KDM2B: variants seen among roughly 807,000 people sequenced by gnomAD.
KDM2B encodes the protein lysine-specific demethylase 2B.
In KDM2B, 26 loss-of-function variants were observed where a neutral mutation model predicts 150.0. The observed-to-expected ratio is 0.17, with a 90% CI of 0.13 to 0.24. KDM2B has a LOEUF of 0.24. Among genes scored for constraint, KDM2B ranks in the 10% least tolerant of loss-of-function variants. KDM2B has a pLI of 1.00. For missense variants in KDM2B, 1,265 were observed against 1,816.9 expected (o/e 0.70, Z 5.52); for synonymous variants, 734 against 729.5 (o/e 1.01, Z -0.10).
chr12:121,412,370 G>T, the KDM2B span, among the ~76,000 whole-genome samples: 1 of 150,742 alleles, frequency 6.6e-6, no homozygotes, highest in Non-Finnish European at 1.5e-5. Context: ...CTCCCGAGTA[G>T]CTGGGACTAC....
chr12:121,441,175 G>A lies in KDM2B; in HGVS notation c.3343C>T (p.Pro1115Ser). 6.2e-7 allele frequency: 1 copy of A among 1,614,210 alleles called. No individual in the cohort carries two copies. Among genetic ancestry groups the A allele is most frequent in the Non-Finnish European group, 8.5e-7 (1 of 1,180,026 alleles). ...IDLNHCKSIT[P>S]LMLSGIIRRQ... ...CGGATGATGCCACTCAGCATCAGGG[G>A]TGTGATAGACTTGCAGTGGTTCAGG... The change falls in exon 20 of 23, where the codon CCC (proline) becomes TCC (serine). Residue 1115 changes from proline to serine, a missense_variant. This residue lies in a region of KDM2B where 251 missense variants were observed against 397.8 expected (regional missense o/e 0.63). Transcript: ENST00000377071.
intron 11 of KDM2B, among the ~76,000 whole-genome samples, chr12:121,506,094 A>G (rs55819206): frequency 0.013 from 2,002 of 152,112 alleles, 22 homozygotes; most frequent in South Asian, 0.027. Context: ...ACTGTAGCCT[A>G]GAACTCCTGG....
intron 2 of KDM2B, among the ~76,000 whole-genome samples, 200 bp from the exon 3 acceptor site, chr12:121,576,059 G>A (rs1486688464): frequency 5.3e-5 from 8 of 152,122 alleles, no homozygotes; most frequent in Admixed American, 5.2e-4. Context: ...CCATGCCAAC[G>A]ATCAGCTCCT....
At chr12:121,496,305 T>C (rs1883929496) in intron 11 of KDM2B, among the ~76,000 whole-genome samples, 1 of 152,100 alleles carries the variant, frequency 6.6e-6, no homozygotes, top group African/African-American at 2.4e-5. Flanking sequence ...GGACCACGGA[T>C]TGTTGAATTG....
At position 121,442,367 on chromosome 12, in the gene KDM2B, CG is replaced by C. The variant is rs1250178846; in HGVS notation, c.3073del (p.Arg1025GlyfsTer18). The C allele has an allele frequency of 7.5e-7, 1 of 1,337,124 alleles. No homozygotes were observed. Among genetic ancestry groups the C allele is most frequent in the Non-Finnish European group, 1.0e-6 (1 of 987,440 alleles). 82.8% of individuals were successfully genotyped at this position (1,337,124 alleles called of 1,614,324 possible). On this transcript the variant is annotated frameshift_variant, in exon 19 of 23. Coordinates refer to ENST00000377071, the MANE Select transcript of KDM2B (RefSeq NM_032590.5). LOFTEE classifies it high-confidence loss of function. This position sits in a 1 kb window ranked among gnomAD's most constrained non-coding sequence, Gnocchi z 7.7. ...SLRSPPRVIS[R>X]PPPSVSPPKC... ...GGGCGGGGACACGGAGGGTGGGGGC[CG>C]GGAGATGACACGGGGCGGGCTGCGC...
At position 121,441,008 on chromosome 12, in the gene KDM2B, G is replaced by A. The variant is rs79194992; in HGVS notation, c.3449-31C>T. 2.9e-3 allele frequency: 4,692 copies of A among 1,612,614 alleles called. 114 individuals are homozygous for A. The African/African-American group carries it at 0.056, about 19-fold the overall frequency. Reference sequence around the variant, plus strand: ...GGGACATAGAAAAGGGTGAAGGTCAGGGGATGTGTCCCCAGCCCTCACTGC... The same window carrying A: ...GGGACATAGAAAAGGGTGAAGGTCAAGGGATGTGTCCCCAGCCCTCACTGC... On this transcript the variant is annotated intron_variant, in intron 20 of 22. Coordinates refer to ENST00000377071, the MANE Select transcript of KDM2B (RefSeq NM_032590.5).
At chr12:121,441,462 G>C (rs1314621589) in intron 19 of KDM2B, among the ~76,000 whole-genome samples, 1 of 152,172 alleles carries the variant, frequency 6.6e-6, no homozygotes, top group Non-Finnish European at 1.5e-5. Flanking sequence ...TATTAAGACG[G>C]AGTCTCGCTC....
intron 12 of KDM2B, among the ~76,000 whole-genome samples, chr12:121,463,231 G>C (rs528589650): frequency 3.3e-4 from 50 of 151,894 alleles, no homozygotes; most frequent in Non-Finnish European, 5.4e-4. Flanking sequence ...AGGAAAAATC[G>C]CTTGAACCCA....
At chr12:121,500,102 A>G (rs368600961) in intron 11 of KDM2B, among the ~76,000 whole-genome samples, 1 of 152,132 alleles carries the variant, frequency 6.6e-6, no homozygotes, top group South Asian at 2.1e-4. Context: ...CCCTCAGGGA[A>G]GAATTTTCAT....
At chr12:121,424,606 GAGGCT>G (rs1872417202), downstream of KDM2B, among the ~76,000 whole-genome samples, 1 of 151,836 alleles carries the variant, frequency 6.6e-6, no homozygotes, top group Admixed American at 6.6e-5. Context: ...AGCTACTCAG[GAGGCT>G]GAGGTAGGAG....
intron 12 of KDM2B, among the ~76,000 whole-genome samples, chr12:121,454,148 T>TA (rs1877829264): frequency 6.6e-6 from 1 of 152,140 alleles, no homozygotes; most frequent in Admixed American, 6.5e-5. Context: ...GAGATCCTGT[T>TA]AGAGCGCTCA....
At chr12:121,414,934 A>G in the KDM2B span, among the ~76,000 whole-genome samples, 1 of 152,204 alleles carries the variant, frequency 6.6e-6, no homozygotes. Flanking sequence ...GTGTCTACCA[A>G]AACTACAAAA....
intron 12 of KDM2B, among the ~76,000 whole-genome samples, chr12:121,461,414 G>A (rs868974932): frequency 1.3e-5 from 2 of 152,088 alleles, no homozygotes; most frequent in South Asian, 4.1e-4. Context: ...TGAGGGGAGT[G>A]GATATTTTTG....
At chr12:121,420,540 T>A in the KDM2B span, 1 of 1,606,788 alleles carries the variant, frequency 6.2e-7, no homozygotes, top group Non-Finnish European at 8.5e-7. Context: ...GGTCTGGACT[T>A]ATGGGACCAG....
At chr12:121,530,227 CAAAAAAAAA>C (rs71453566) in intron 8 of KDM2B, among the ~76,000 whole-genome samples, 2 of 65,786 alleles carry the variant, frequency 3.0e-5, no homozygotes, top group African/African-American at 1.1e-4. Flanking sequence ...GACTCCCTCT[CAAAAAAAAA>C]AAAAAAAAAA....
chr12:121,442,500 C>T lies in KDM2B; in HGVS notation c.2941G>A (p.Gly981Ser). 2 of 1,599,504 alleles carry T rather than the reference C, an allele frequency of 1.3e-6. No homozygotes were observed. The highest frequency in any genetic ancestry group is 1.7e-6 in the Non-Finnish European group (2 of 1,179,820). Residue 981 changes from glycine (G) to serine (S), a missense_variant, in exon 19 of 23, where the codon GGC (glycine) becomes AGC (serine). Transcript: ENST00000377071. The surrounding 1 kb of genome is among the most constrained non-coding windows in gnomAD (Gnocchi z 7.7). ...QPIKSEPESE[G>S]EEPKRPPGIC... ...CCCGGGGGCCGCTTGGGCTCCTCGC[C>T]CTCGCTCTCAGGCTCCGACTTGATG...
intron 12 of KDM2B, among the ~76,000 whole-genome samples, chr12:121,462,542 A>G (rs1399682822): frequency 1.3e-5 from 2 of 150,430 alleles, no homozygotes; most frequent in Non-Finnish European, 3.0e-5. Flanking sequence ...TGCCTGGGCT[A>G]GAGTGCAGTG....
chr12:121,454,844 T>C (rs782243088), intron 12 of KDM2B, among the ~76,000 whole-genome samples: 3 of 152,132 alleles, frequency 2.0e-5, no homozygotes, highest in African/African-American at 4.8e-5. Flanking sequence ...GAAGAGCTGT[T>C]ACTATTCATA....
chr12:121,440,962 A>G lies in KDM2B; in HGVS notation c.3464T>C (p.Val1155Ala), dbSNP rs782281378. The G allele has an allele frequency of 6.3e-5, 101 of 1,613,826 alleles. No homozygotes were observed. The highest frequency in any genetic ancestry group is 7.7e-5 in the Non-Finnish European group (91 of 1,179,936). Residue 1155 changes from valine to alanine, a missense_variant, in exon 21 of 23, where the codon GTG becomes GCG. Physicochemically the swap from Val to Ala is moderately conservative, Grantham distance 64 (BLOSUM62 0). Transcript: ENST00000377071. ...INRLPGLRDL[V>A]LSGCSWIAVS... is the part of the protein sequence containing the mutation. ...CGCGATCCATGAGCAGCCTGACAGC[A>G]CCAAGTCCCGGAGCCCTGGGGGGAC... is the stretch of plus-strand genomic sequence containing the variant.
Sources: allele counts gnomAD v4.1 joint callset (sites outside exome capture counted in the v4.1 genomes callset), GRCh38; gene constraint gnomAD v4.1.1; regional missense constraint gnomAD v4.1.1; non-coding constraint Gnocchi (gnomAD v3.1); transcripts MANE v1.5; gene names NCBI Gene and HGNC (gene_info 2026-07-23, HGNC 2026-07-21).